The following ARHGAP44 variants were observed in gnomAD, a reference collection of about 807,000 sequenced individuals.
ARHGAP44 encodes rho GTPase-activating protein 44.
Under a neutral mutation model 106.8 loss-of-function variants are expected in ARHGAP44, and 43 were observed. The observed-to-expected ratio is 0.40, with a 90% CI of 0.32 to 0.52. The LOEUF is 0.52. Ranked by LOEUF, ARHGAP44 falls within the 20% of genes least tolerant of loss-of-function variation. The pLI is 0.48. For synonymous variants in ARHGAP44, 439 were observed against 410.3 expected, an observed-to-expected ratio of 1.07 and a Z score of -0.85; for missense variants, 866 against 1,050.5, an observed-to-expected ratio of 0.82 and a Z score of 2.43.
intron 18 of ARHGAP44, among the ~76,000 whole-genome samples, chr17:12,978,587 C>T (rs561163719): frequency 6.6e-6 from 1 of 152,240 alleles, no homozygotes; most frequent in East Asian, 1.9e-4. Flanking sequence ...GACGAGAGTG[C>T]TCTATTCCTA....
In ARHGAP44 at chr17:12,958,464, C is replaced by T. The variant is rs955910973; in HGVS notation, c.1343-253C>T. On this transcript the variant is annotated intron_variant, in intron 15 of 20. Coordinates refer to ENST00000379672, the MANE Select transcript of ARHGAP44 (RefSeq NM_014859.6). This position sits in a 1 kb window ranked among gnomAD's most constrained non-coding sequence, Gnocchi z 4.1. The stretch of plus-strand genomic sequence containing the variant: ...GATTTCATATATTTCAGAAAGTATC[C>T]GTTCCTGTTTTTACAAACTTTTTTT... 1.3e-5 allele frequency among the ~76,000 whole-genome samples: 2 copies of T among 151,240 alleles called. No individual in the cohort carries two copies. The highest frequency in any genetic ancestry group is 2.4e-5 in the African/African-American group (1 of 41,058).
At chr17:12,970,152 T>C (rs2039488605) in intron 16 of ARHGAP44, among the ~76,000 whole-genome samples, 1 of 151,808 alleles carries the variant, frequency 6.6e-6, no homozygotes, top group South Asian at 2.1e-4. Context: ...CTTCTTACTC[T>C]GAGAGAGAGC....
At position 12,944,058 on chromosome 17, in the gene ARHGAP44, C is replaced by G; in HGVS notation, c.734-11C>G. ...AACAGCTGACTGACTCTTTCTCACTCCTCCCCTCAGAGGCCTGGGTAGAGA... is the reference window on the plus strand; with the variant it reads ...AACAGCTGACTGACTCTTTCTCACTGCTCCCCTCAGAGGCCTGGGTAGAGA... On this transcript the variant is annotated splice_polypyrimidine_tract_variant and intron_variant, in intron 9 of 20. Transcript: ENST00000379672. The G allele has an allele frequency of 6.3e-7, 1 of 1,593,074 alleles. No homozygotes were observed. The highest frequency in any genetic ancestry group is 8.6e-7 in the Non-Finnish European group (1 of 1,166,846).
chr17:12,921,316 C>T (rs1311148012), intron 6 of ARHGAP44, among the ~76,000 whole-genome samples: 19 of 151,980 alleles, frequency 1.3e-4, no homozygotes, highest in Admixed American at 1.2e-3. Flanking sequence ...ATCTGCCCAC[C>T]TCAGCCTCCC....
chr17:12,831,760 T>G (rs1457706847), intron 1 of ARHGAP44, among the ~76,000 whole-genome samples: 4 of 152,158 alleles, frequency 2.6e-5, no homozygotes, highest in Non-Finnish European at 5.9e-5. Flanking sequence ...TTGTAAGCCC[T>G]TTTTACTAAA....
intron 10 of ARHGAP44, among the ~76,000 whole-genome samples, chr17:12,947,041 A>T (rs1031715124): frequency 6.6e-6 from 1 of 152,132 alleles, no homozygotes; most frequent in African/African-American, 2.4e-5. Flanking sequence ...CCCCTAGCCT[A>T]AAACAATATA....
At chr17:12,792,577 T>A (rs2033798819) in intron 1 of ARHGAP44, among the ~76,000 whole-genome samples, 1 of 152,208 alleles carries the variant, frequency 6.6e-6, no homozygotes, top group Admixed American at 6.5e-5. Context: ...CCTGTTAATT[T>A]CTTAAATCAG....
chr17:12,837,012 C>T (rs1245273922), intron 1 of ARHGAP44, among the ~76,000 whole-genome samples: 1 of 152,134 alleles, frequency 6.6e-6, no homozygotes, highest in African/African-American at 2.4e-5. Context: ...AAACATTCAC[C>T]AAGGTTGACC....
intron 3 of ARHGAP44, among the ~76,000 whole-genome samples, chr17:12,896,820 G>T (rs2037220339): frequency 6.6e-6 from 1 of 152,202 alleles, no homozygotes; most frequent in Non-Finnish European, 1.5e-5. Context: ...CTCTAGGGAA[G>T]CTTTATCCTT....
chr17:12,897,624 C>A (rs780764742), intron 3 of ARHGAP44, among the ~76,000 whole-genome samples: 1 of 151,444 alleles, frequency 6.6e-6, no homozygotes, highest in Non-Finnish European at 1.5e-5. Context: ...GGCATGAAAC[C>A]CTTTTATCAA....
At chr17:12,890,916 T>G (rs989671827) in intron 1 of ARHGAP44, among the ~76,000 whole-genome samples, 4 of 152,228 alleles carry the variant, frequency 2.6e-5, no homozygotes, top group African/African-American at 9.6e-5. Context: ...CTGTCTTCAT[T>G]AAAACCCTTG....
chr17:12,911,585 C>T (rs563231095), intron 4 of ARHGAP44, among the ~76,000 whole-genome samples: 48 of 152,280 alleles, frequency 3.2e-4, no homozygotes, highest in Admixed American at 2.6e-3. Flanking sequence ...ATTAAACTCA[C>T]GAATGTGGTT....
At chr17:12,790,974 T>C (rs761491003) in intron 1 of ARHGAP44, among the ~76,000 whole-genome samples, 2 of 152,062 alleles carry the variant, frequency 1.3e-5, no homozygotes, top group Non-Finnish European at 2.9e-5. Flanking sequence ...CTCCACTAGG[T>C]TTACGGAGAA....
At chr17:12,892,209 AT>A (rs1285054370) in intron 1 of ARHGAP44, among the ~76,000 whole-genome samples, 9 of 152,194 alleles carry the variant, frequency 5.9e-5, no homozygotes, top group African/African-American at 2.2e-4. Context: ...GAATATTTTC[AT>A]TAGCTAAAGG....
At chr17:12,920,587 G>A (rs2038053373) in intron 6 of ARHGAP44, among the ~76,000 whole-genome samples, 1 of 152,102 alleles carries the variant, frequency 6.6e-6, no homozygotes, top group Admixed American at 6.5e-5. Context: ...CCTCTTCAAG[G>A]CACAGAAGGA....
rs146415425 is a variant in ARHGAP44, at chr17:12,885,324, G to GGTGT, written c.54-9591_54-9588dup. 1.5e-3 allele frequency among the ~76,000 whole-genome samples: 224 copies of GGTGT among 148,806 alleles called. 1 individual carries two copies. The highest frequency in any genetic ancestry group is 3.5e-3 in the Middle Eastern group (1 of 284). On this transcript the variant is annotated intron_variant, in intron 1 of 20. Transcript: ENST00000379672. The stretch of plus-strand genomic sequence containing the variant: ...AAGCTCTATGGACATTCACAGAGTA[G>GGTGT]GTGTGTGTGTGTGTGTGTGTGTGTG...
rs200875969 is a variant in ARHGAP44 at position 12,894,940 on chromosome 17, G to A, written c.54G>A (p.Arg18=). 11 of 1,585,358 alleles carry A rather than the reference G, an allele frequency of 6.9e-6. No individual in the cohort carries two copies. The highest frequency in any genetic ancestry group is 9.4e-6 in the Non-Finnish European group (11 of 1,164,994). Residue 18 remains arginine, a splice_region_variant and synonymous_variant, in exon 2 of 21, where the codon AGG becomes AGA. Coordinates refer to ENST00000379672, the MANE Select transcript of ARHGAP44 (RefSeq NM_014859.6). The part of the protein sequence containing the change: ...MRQLANQTVG[R]AEKTEVLSED... The stretch of plus-strand genomic sequence containing the variant: ...ATATGTTTCTCAATGTTCTTTTTAG[G>A]GCTGAAAAGACAGAAGTTTTGAGTG...
intron 16 of ARHGAP44, among the ~76,000 whole-genome samples, chr17:12,964,592 C>G (rs913191335): frequency 3.9e-5 from 6 of 152,086 alleles, no homozygotes; most frequent in Non-Finnish European, 8.8e-5. Flanking sequence ...ACCAGTCTGG[C>G]CAACATGGTG....
chr17:12,818,038 T>C (rs1245653944), intron 1 of ARHGAP44, among the ~76,000 whole-genome samples: 1 of 151,864 alleles, frequency 6.6e-6, no homozygotes, highest in Non-Finnish European at 1.5e-5. Flanking sequence ...AAATCAAAGA[T>C]ATTACAGAAA....
Sources: allele counts gnomAD v4.1 joint callset (sites outside exome capture counted in the v4.1 genomes callset), GRCh38; gene constraint gnomAD v4.1.1; non-coding constraint Gnocchi (gnomAD v3.1); transcripts MANE v1.5; gene names NCBI Gene and HGNC (gene_info 2026-07-23, HGNC 2026-07-21).